RARB: variants seen among roughly 807,000 people sequenced by gnomAD.
RARB encodes the protein retinoic acid receptor beta.
A neutral mutation model predicts 51.9 loss-of-function variants in RARB; 17 were observed. The observed-to-expected ratio is 0.33, with a 90% CI of 0.22 to 0.49. RARB has a LOEUF of 0.49. Among genes scored for constraint, RARB ranks in the 20% least tolerant of loss-of-function variants. RARB has a pLI of 0.99. For synonymous variants in RARB, 215 were observed against 195.4 expected (o/e 1.10, Z -0.84); for missense variants, 369 against 550.8 (o/e 0.67, Z 3.30).
intron 5 of RARB, among the ~76,000 whole-genome samples, chr3:25,299,369 T>G (rs1703987887): frequency 6.6e-6 from 1 of 152,132 alleles, no homozygotes; most frequent in South Asian, 2.1e-4. Context: ...GGCTAATTTT[T>G]GTATTTATTT....
chr3:24,934,490 A>C (rs896782627), intron 2 of RARB, among the ~76,000 whole-genome samples: 1 of 152,134 alleles, frequency 6.6e-6, no homozygotes, highest in African/African-American at 2.4e-5. Flanking sequence ...TTCTTTTATG[A>C]AACTGAATTT....
intron 2 of RARB, among the ~76,000 whole-genome samples, chr3:24,969,883 G>A (rs1473069506): frequency 6.6e-6 from 1 of 152,072 alleles, no homozygotes; most frequent in African/African-American, 2.4e-5. Context: ...GTCAAACTTT[G>A]TGTGTAGCTG....
At chr3:25,288,876 C>A (rs1049825492) in intron 5 of RARB, among the ~76,000 whole-genome samples, 1 of 152,130 alleles carries the variant, frequency 6.6e-6, no homozygotes. Context: ...TTAGCCCTCC[C>A]TTTTATGCAA....
chr3:25,058,606 T>C (rs1603974), intron 2 of RARB, among the ~76,000 whole-genome samples: 11,591 of 151,776 alleles, frequency 0.076, 480 homozygotes, highest in Non-Finnish European at 0.099. Context: ...ATTAAAAAAA[T>C]CCAGTGTCCT....
At chr3:25,155,804 A>C (rs1174109348) in intron 4 of RARB, among the ~76,000 whole-genome samples, 1 of 152,110 alleles carries the variant, frequency 6.6e-6, no homozygotes, top group East Asian at 1.9e-4. Flanking sequence ...CCTGTCTGCT[A>C]CCCCAGCCCA....
At chr3:24,982,648 C>A (rs1339027450) in intron 2 of RARB, among the ~76,000 whole-genome samples, 1 of 152,162 alleles carries the variant, frequency 6.6e-6, no homozygotes, top group Non-Finnish European at 1.5e-5. Context: ...TCCCCTCCTC[C>A]CTTTTCTCCT....
intron 5 of RARB, among the ~76,000 whole-genome samples, chr3:25,383,607 C>T (rs952601789): frequency 6.6e-6 from 1 of 152,160 alleles, no homozygotes; most frequent in Non-Finnish European, 1.5e-5. Context: ...TAAAGAGCTA[C>T]ATTTTTTTAA....
intron 5 of RARB, among the ~76,000 whole-genome samples, chr3:25,334,678 T>C (rs972706162): frequency 6.6e-6 from 1 of 151,786 alleles, no homozygotes; most frequent in African/African-American, 2.4e-5. Context: ...TAAAGTGTAA[T>C]AAAAAAAGTA....
chr3:25,526,946 T>G (rs892986935), intron 3 of RARB, among the ~76,000 whole-genome samples: 1 of 152,210 alleles, frequency 6.6e-6, no homozygotes, highest in African/African-American at 2.4e-5. Flanking sequence ...AGCATGCAAC[T>G]GGAAGCAGGG....
intron 2 of RARB, among the ~76,000 whole-genome samples, chr3:24,931,850 A>C (rs1695446802): frequency 6.6e-6 from 1 of 152,100 alleles, no homozygotes; most frequent in African/African-American, 2.4e-5. Context: ...AGAGTTAGGT[A>C]GTTATTTGTG....
At chr3:24,905,327 C>G (rs966978101) in intron 2 of RARB, among the ~76,000 whole-genome samples, 11 of 152,120 alleles carry the variant, frequency 7.2e-5, no homozygotes, top group African/African-American at 2.4e-4. Flanking sequence ...TCTATGTCTT[C>G]TTGTTTGACT....
At chr3:25,155,857 G>C (rs1477320678) in intron 4 of RARB, among the ~76,000 whole-genome samples, 3 of 152,152 alleles carry the variant, frequency 2.0e-5, no homozygotes, top group African/African-American at 7.2e-5. Context: ...TATAGGAAAG[G>C]GGGCATTGGT....
chr3:24,953,965 C>G (rs1331656634), intron 2 of RARB, among the ~76,000 whole-genome samples: 1 of 152,144 alleles, frequency 6.6e-6, no homozygotes, highest in Non-Finnish European at 1.5e-5. Flanking sequence ...TTCTTACTTT[C>G]TTTTCTGAGC....
Position 25,580,611 on chromosome 3 carries a change from C to T in RARB, c.675C>T (p.Ala225=), listed in dbSNP as rs1196679859. Residue 225 remains alanine, a synonymous_variant, in exon 5 of 8, where the codon GCC becomes GCT. Transcript: ENST00000330688. ...LGLWDKFSEL[A]TKCIIKIVEF... The stretch of plus-strand genomic sequence containing the variant: ...TCTGGGACAAATTCAGTGAACTGGC[C>T]ACCAAGTGCATTATTAAGATCGTGG... 1.2e-6 allele frequency: 2 copies of T among 1,612,522 alleles called. No homozygotes were observed. The highest frequency in any genetic ancestry group is 1.7e-6 in the Non-Finnish European group (2 of 1,178,736).
At chr3:25,210,956 C>T (rs745995968) in intron 5 of RARB, among the ~76,000 whole-genome samples, 29 of 152,166 alleles carry the variant, frequency 1.9e-4, no homozygotes, top group African/African-American at 6.3e-4. Flanking sequence ...CACTTATTTG[C>T]GATGTGACTT....
intron 2 of RARB, among the ~76,000 whole-genome samples, chr3:24,883,792 A>G (rs1478367888): frequency 6.6e-6 from 1 of 152,154 alleles, no homozygotes; most frequent in Non-Finnish European, 1.5e-5. Context: ...CAAGTACCTA[A>G]CAAACTCTGA....
rs117667579 is a variant in RARB at position 25,180,650 on chromosome 3, C to A, written c.178+6075C>A. Among the ~76,000 whole-genome samples the A allele has an allele frequency of 2.2e-3, 340 of 152,344 alleles. 2 individuals are homozygous for A. The highest frequency in any genetic ancestry group is 0.02 in the East Asian group (103 of 5,172). On this transcript the variant is annotated intron_variant, in intron 5 of 11. Coordinates refer to the RARB transcript ENST00000383772. ...AGCTCTGGTGACTTATGCCTTGTCA[C>A]TGACGTGATGCAGCGACTCATTCTG...
At chr3:25,365,071 A>G (rs534047871) in intron 5 of RARB, among the ~76,000 whole-genome samples, 1 of 152,200 alleles carries the variant, frequency 6.6e-6, no homozygotes, top group African/African-American at 2.4e-5. Context: ...CCATCACTCA[A>G]AGGCCCTAAA....
intron 5 of RARB, among the ~76,000 whole-genome samples, chr3:25,304,855 G>A (rs1208059760): frequency 1.3e-5 from 2 of 152,066 alleles, no homozygotes; most frequent in African/African-American, 4.8e-5. Context: ...ATCTCACCAG[G>A]TTCTGCCAAG....
Sources: gnomAD v4.1 joint callset for allele counts (sites outside exome capture counted in the v4.1 genomes callset) on GRCh38, gnomAD v4.1.1 for gene constraint, MANE v1.5 for transcripts, NCBI Gene and HGNC (gene_info 2026-07-23, HGNC 2026-07-21) for gene names.